OSBP2: variants seen among roughly 807,000 people sequenced by gnomAD.
The protein encoded by OSBP2 is oxysterol binding protein 2, also known as oxysterol-binding protein 2.
OSBP2 carries 66 observed loss-of-function variants against 96.0 expected under a neutral mutation model. That is an observed-to-expected ratio of 0.69 (90% CI 0.56 to 0.84). The LOEUF is 0.84. OSBP2 is among the 40% of genes least tolerant of loss of function. OSBP2 has a pLI of 0.00. For synonymous variants in OSBP2, 525 were observed against 520.9 expected (o/e 1.01, Z -0.11); for missense variants, 1,038 against 1,222.7 (o/e 0.85, Z 2.25).
intron 1 of OSBP2, among the ~76,000 whole-genome samples, chr22:30,728,482 G>A (rs1005161470): frequency 6.6e-6 from 1 of 151,848 alleles, no homozygotes; most frequent in Non-Finnish European, 1.5e-5. Context: ...ATTTTTTCCA[G>A]GTTTTTTTGT....
chr22:30,872,998 A>T (rs535973901), intron 3 of OSBP2, among the ~76,000 whole-genome samples: 194 of 152,310 alleles, frequency 1.3e-3, no homozygotes, highest in African/African-American at 4.5e-3. Context: ...GTGTTGGACC[A>T]GGGCTCTGTA....
At chr22:30,694,829 C>T, upstream of OSBP2, 1 of 585,924 alleles carries the variant, frequency 1.7e-6, no homozygotes, top group Non-Finnish European at 2.2e-6. Context: ...GCCGCGCGCA[C>T]GTGACTGCGC....
chr22:30,835,334 G>A (rs1216629119), intron 2 of OSBP2, among the ~76,000 whole-genome samples: 1 of 151,856 alleles, frequency 6.6e-6, no homozygotes, highest in East Asian at 1.9e-4. Flanking sequence ...GGTAAGGTTG[G>A]GATCCAACTT....
chr22:30,882,991 G>A (rs2039734388), intron 3 of OSBP2, among the ~76,000 whole-genome samples: 1 of 152,202 alleles, frequency 6.6e-6, no homozygotes, highest in Non-Finnish European at 1.5e-5. Flanking sequence ...AACTGCTGTT[G>A]TATGGCTCTT....
chr22:30,845,546 C>A (rs976698716), intron 2 of OSBP2, among the ~76,000 whole-genome samples: 3 of 151,342 alleles, frequency 2.0e-5, no homozygotes, highest in African/African-American at 7.3e-5. Context: ...CTGCTCAATG[C>A]AGGGTTGCTA....
intron 2 of OSBP2, among the ~76,000 whole-genome samples, chr22:30,869,991 T>TA (rs1180053864): frequency 6.6e-6 from 1 of 152,072 alleles, no homozygotes; most frequent in Non-Finnish European, 1.5e-5. Context: ...TGGCTTGGGG[T>TA]AGGCCTGCGA....
At chr22:30,712,676 A>G (rs969265551) in intron 1 of OSBP2, among the ~76,000 whole-genome samples, 5 of 152,172 alleles carry the variant, frequency 3.3e-5, no homozygotes, top group African/African-American at 1.2e-4. Flanking sequence ...GATGGGGAAA[A>G]CAAGGCACAG....
intron 3 of OSBP2, among the ~76,000 whole-genome samples, chr22:30,874,728 G>A (rs1432825724): frequency 6.6e-6 from 1 of 152,268 alleles, no homozygotes; most frequent in Non-Finnish European, 1.5e-5. Context: ...CAGCAACGCT[G>A]TGTTTCAACC....
At chr22:30,815,712 A>G (rs2091075515) in intron 2 of OSBP2, among the ~76,000 whole-genome samples, 1 of 152,012 alleles carries the variant, frequency 6.6e-6, no homozygotes. Context: ...ATTATAGCTA[A>G]CAGTTTCTAT....
chr22:30,897,688 T>C (rs1427904031), intron 12 of OSBP2, among the ~76,000 whole-genome samples: 1 of 152,210 alleles, frequency 6.6e-6, no homozygotes, highest in African/African-American at 2.4e-5. Context: ...CTGTAATCCC[T>C]GCACTTTGGG....
intron 1 of OSBP2, among the ~76,000 whole-genome samples, chr22:30,716,916 C>T (rs1052915850): frequency 5.9e-5 from 9 of 152,112 alleles, no homozygotes; most frequent in African/African-American, 1.9e-4. Flanking sequence ...TTGTGTCCTT[C>T]GATGGAGTCC....
chr22:30,774,083 A>T (rs1318475929), intron 2 of OSBP2, among the ~76,000 whole-genome samples: 1 of 152,098 alleles, frequency 6.6e-6, no homozygotes, highest in East Asian at 1.9e-4. Context: ...TGGTCAGGAC[A>T]GTCCTGACCA....
chr22:30,726,552 C>T (rs559761133), intron 1 of OSBP2, among the ~76,000 whole-genome samples: 8 of 152,054 alleles, frequency 5.3e-5, no homozygotes, highest in South Asian at 2.1e-4. Flanking sequence ...ACTTAGATGA[C>T]GGGTTGATAG....
rs1405881537 is a variant in OSBP2, at chr22:30,714,396, A to AT, written c.644+18851dup. On this transcript the variant is annotated intron_variant, in intron 1 of 13. Coordinates refer to ENST00000332585, the MANE Select transcript of OSBP2 (RefSeq NM_030758.4). ...GTGCAGATATCTCTTCAACACACTG[A>AT]TTTTTTTTCTTGTGTTTTTTTTTTG... Among the ~76,000 whole-genome samples the AT allele has an allele frequency of 3.3e-5, 5 of 150,122 alleles. No individual in the cohort carries two copies. The East Asian group carries it at 9.7e-4, about 29-fold the overall frequency.
intron 12 of OSBP2, chr22:30,902,420 A>G (rs1293848119): frequency 3.8e-6 from 6 of 1,579,524 alleles, no homozygotes; most frequent in African/African-American, 2.7e-5. Flanking sequence ...CTGTTGGGCA[A>G]TCAGTCACTT....
chr22:30,759,511 A>G (rs2090181775), intron 2 of OSBP2, among the ~76,000 whole-genome samples: 1 of 152,218 alleles, frequency 6.6e-6, no homozygotes, highest in African/African-American at 2.4e-5. Context: ...AATAGCACTA[A>G]CAAACATAAA....
rs1602351781 is a variant in OSBP2, at chr22:30,847,834, A to G, written c.854-22595A>G. On this transcript the variant is annotated intron_variant, in intron 2 of 13. Coordinates refer to ENST00000332585, the MANE Select transcript of OSBP2 (RefSeq NM_030758.4). ...GATCTGTAGTGATTTCCCCTCTTTC[A>G]TTGCTGATATTAGTCATTTGTATCA... Among the ~76,000 whole-genome samples the G allele has an allele frequency of 2.0e-5, 3 of 152,068 alleles. No homozygotes were observed. The South Asian group carries it at 6.2e-4, about 32-fold the overall frequency.
At chr22:30,728,179 G>A (rs974793525) in intron 1 of OSBP2, among the ~76,000 whole-genome samples, 2 of 151,684 alleles carry the variant, frequency 1.3e-5, no homozygotes, top group African/African-American at 2.4e-5. Flanking sequence ...GGCGGATCAC[G>A]AGGTCAGGAG....
At chr22:30,894,519 C>T (rs2040022040) in intron 12 of OSBP2, 1 of 154,008 alleles carries the variant, frequency 6.5e-6, no homozygotes, top group Non-Finnish European at 1.4e-5. Context: ...AGCAGGCTCC[C>T]TGGCCTCTCC....
Sources: allele counts gnomAD v4.1 joint callset (sites outside exome capture counted in the v4.1 genomes callset), GRCh38; gene constraint gnomAD v4.1.1; transcripts MANE v1.5; gene names NCBI Gene and HGNC (gene_info 2026-07-23, HGNC 2026-07-21).